PC: variants seen among roughly 807,000 people sequenced by gnomAD.
The protein encoded by PC is pyruvate carboxylase.
In PC, 46 loss-of-function variants were observed where a neutral mutation model predicts 107.8. That is an observed-to-expected ratio of 0.43 (90% CI 0.34 to 0.55). The LOEUF is 0.55. PC is among the 20% of genes least tolerant of loss of function. PC has a pLI of 0.04. For missense variants in PC, 1,241 were observed against 1,643.1 expected (o/e 0.76, Z 4.23); for synonymous variants, 662 against 684.7 (o/e 0.97, Z 0.52).
At chr11:66,955,343 G>C (rs1295161431) in intron 1 of PC, among the ~76,000 whole-genome samples, 1 of 152,150 alleles carries the variant, frequency 6.6e-6, no homozygotes, top group Admixed American at 6.6e-5. Flanking sequence ...CAGTGCCTGG[G>C]GCACTGGAAG....
intron 3 of PC, among the ~76,000 whole-genome samples, chr11:66,902,447 T>C (rs1484557694): frequency 1.3e-5 from 2 of 152,154 alleles, no homozygotes; most frequent in Admixed American, 6.5e-5. Flanking sequence ...GGGAATATTA[T>C]TGTAAGCATG....
At chr11:66,885,356 G>A (rs1947321591) in intron 3 of PC, among the ~76,000 whole-genome samples, 1 of 152,050 alleles carries the variant, frequency 6.6e-6, no homozygotes, top group African/African-American at 2.4e-5. Flanking sequence ...CAGGTGTGGT[G>A]GTGGCTGCCT....
chr11:66,872,993 C>A (rs899574600), intron 3 of PC, among the ~76,000 whole-genome samples: 1 of 149,246 alleles, frequency 6.7e-6, no homozygotes, highest in Non-Finnish European at 1.5e-5. Flanking sequence ...GCTGAGATTG[C>A]GCCACTGCCC....
chr11:66,896,182 C>T (rs1161089427), intron 3 of PC, among the ~76,000 whole-genome samples: 2 of 152,098 alleles, frequency 1.3e-5, no homozygotes, highest in Non-Finnish European at 2.9e-5. Context: ...TGGGTTCAAG[C>T]AATCCTCTGC....
chr11:66,897,133 C>T (rs574264430), intron 3 of PC, among the ~76,000 whole-genome samples: 1 of 152,170 alleles, frequency 6.6e-6, no homozygotes, highest in African/African-American at 2.4e-5. Context: ...GGGGTTTCAC[C>T]ATGTTGGCCA....
At chr11:66,926,605 C>G (rs1029231025) in intron 3 of PC, among the ~76,000 whole-genome samples, 1 of 152,154 alleles carries the variant, frequency 6.6e-6, no homozygotes, top group Non-Finnish European at 1.5e-5. Context: ...GTTACCAGTA[C>G]TATACAGTTC....
intron 3 of PC, among the ~76,000 whole-genome samples, chr11:66,906,378 C>T (rs571862396): frequency 3.3e-5 from 5 of 152,124 alleles, no homozygotes; most frequent in African/African-American, 7.2e-5. Flanking sequence ...CCATCCTGAT[C>T]GGTAAGTACT....
intron 12 of PC, chr11:66,860,132 G>A: frequency 6.5e-7 from 1 of 1,549,894 alleles, no homozygotes. Flanking sequence ...ATGGGGGGCT[G>A]CTCGGGGCAG....
In PC at chr11:66,869,462, A is replaced by G. The variant is rs188077384; in HGVS notation, c.904-498T>C. ...ACCAACAGATAATGACTCTAACTCA[A>G]ATTTCAGCCCTAATTCCAGTTTCAC... is the stretch of plus-strand genomic sequence containing the variant. On this transcript the variant is annotated intron_variant, in intron 9 of 22. Transcript: ENST00000393960. Among the ~76,000 whole-genome samples, 591 of 152,100 alleles carry G rather than the reference A, an allele frequency of 3.9e-3. 3 individuals are homozygous for G. The highest frequency in any genetic ancestry group is 6.9e-3 in the Non-Finnish European group (468 of 67,968).
rs1209304828 is a variant in PC, at chr11:66,853,291, C to T, written c.1461G>A (p.Leu487=). The part of the protein sequence containing the change: ...DTQFIDENPE[L]FQLRPAQNRA... ...GGTTCTGTGCAGGCCGCAGCTGGAA[C>T]AGCTCTGGGTTCTCGTCGATGAACT... The change falls in exon 13 of 23, where the codon CTG becomes CTA. Residue 487 remains leucine (L), a synonymous_variant. Coordinates refer to ENST00000393960, the MANE Select transcript of PC (RefSeq NM_001040716.2). 5 of 1,613,996 alleles carry T rather than the reference C, an allele frequency of 3.1e-6. No individual in the cohort carries two copies. The highest frequency in any genetic ancestry group is 4.2e-6 in the Non-Finnish European group (5 of 1,180,022).
chr11:66,930,982 T>C (rs1042126535), intron 3 of PC, among the ~76,000 whole-genome samples: 1 of 152,152 alleles, frequency 6.6e-6, no homozygotes, highest in Non-Finnish European at 1.5e-5. Context: ...GGATTCCATG[T>C]CCAGGTGTTC....
rs1162134571 is a variant in PC, at chr11:66,851,872, T to C, written c.1900A>G (p.Ile634Val). The change falls in exon 16 of 23, where the codon ATC (isoleucine) becomes GTC (valine). Residue 634 changes from isoleucine to valine, a missense_variant. Physicochemically the swap from Ile to Val is conservative, Grantham distance 29. Around this residue, in one of 2 missense-constraint regions of PC, gnomAD observed 1,143 missense variants for 1,551.9 expected, o/e 0.74. Transcript: ENST00000393960. ...WRRLQELRELIPNIPFQMLLR... is the reference protein window; with the variant it reads ...WRRLQELRELVPNIPFQMLLR... ...AGCATCTGGAAAGGGATGTTGGGGA[T>C]GAGCTCCCGGAGCTCCTGCAGCCGC... 5.0e-6 allele frequency: 8 copies of C among 1,613,946 alleles called. No individual in the cohort carries two copies.
At position 66,908,334 on chromosome 11, in the gene PC, G is replaced by A. The variant is rs1031403379; in HGVS notation, c.1-36175C>T. ...TCCACCTGGGAACTGGTGACATCAT[G>A]GGCCTGTCTCCCCACAGGGCCAGAA... On this transcript the variant is annotated intron_variant, in intron 3 of 22. Transcript: ENST00000393960. Among the ~76,000 whole-genome samples the A allele has an allele frequency of 3.3e-5, 5 of 152,068 alleles. No homozygotes were observed. In the South Asian group the frequency reaches 8.3e-4, roughly 25 times the overall value.
In PC at chr11:66,871,600, C is replaced by T; in HGVS notation, c.321+87G>A. The T allele has an allele frequency of 6.4e-7, 1 of 1,572,782 alleles. No homozygotes were observed. The highest frequency in any genetic ancestry group is 8.7e-7 in the Non-Finnish European group (1 of 1,151,288). On this transcript the variant is annotated intron_variant, in intron 5 of 22. Coordinates refer to ENST00000393960, the MANE Select transcript of PC (RefSeq NM_001040716.2). This position sits in a 1 kb window ranked among gnomAD's most constrained non-coding sequence, Gnocchi z 7.4. The stretch of plus-strand genomic sequence containing the variant: ...GTTTACCCACCCACGCACAGAGGCG[C>T]TGAGCACGCCAGCCTCAAGAGACCC...
At chr11:66,861,048 G>C (rs978471802) in intron 12 of PC, among the ~76,000 whole-genome samples, 2 of 152,226 alleles carry the variant, frequency 1.3e-5, no homozygotes, top group African/African-American at 4.8e-5. Flanking sequence ...TGATCCTCTG[G>C]AAGGTTCCTG....
chr11:66,906,326 C>A (rs1490966397), intron 3 of PC, among the ~76,000 whole-genome samples: 1 of 152,184 alleles, frequency 6.6e-6, no homozygotes, highest in Non-Finnish European at 1.5e-5. Context: ...ACTGACATTT[C>A]ATTCCAGCCA....
intron 3 of PC, among the ~76,000 whole-genome samples, chr11:66,938,616 A>G (rs557604154): frequency 1.3e-5 from 2 of 152,332 alleles, no homozygotes; most frequent in East Asian, 3.9e-4. Context: ...AAATTTTTTA[A>G]ACACATAATT....
At chr11:66,850,556 A>C (rs1477991297) in intron 18 of PC, 92 bp from the exon 19 acceptor site, 4 of 1,606,110 alleles carry the variant, frequency 2.5e-6, no homozygotes, top group Non-Finnish European at 3.4e-6. Context: ...GACTCAGGTG[A>C]CAGAAGGCGG....
chr11:66,940,805 A>G (rs564942495), intron 3 of PC, among the ~76,000 whole-genome samples: 1 of 151,920 alleles, frequency 6.6e-6, no homozygotes, highest in South Asian at 2.1e-4. Context: ...AAGATGCTCA[A>G]GGCCAGGCAC....
Sources: allele counts gnomAD v4.1 joint callset (sites outside exome capture counted in the v4.1 genomes callset), GRCh38; gene constraint gnomAD v4.1.1; regional missense constraint gnomAD v4.1.1; non-coding constraint Gnocchi (gnomAD v3.1); transcripts MANE v1.5; gene names NCBI Gene and HGNC (gene_info 2026-07-23, HGNC 2026-07-21).